Variants in LRRC28 observed in about 807,000 individuals in gnomAD.
LRRC28 encodes the protein leucine rich repeat containing 28, also known as leucine-rich repeat-containing protein 28.
Under a neutral mutation model 45.7 loss-of-function variants are expected in LRRC28, and 39 were observed. That is an observed-to-expected ratio of 0.85 (90% confidence interval 0.66 to 1.12). The LOEUF is 1.12. LRRC28 is among the 50% of genes most tolerant of loss of function. LRRC28 has a pLI of 0.00. For missense variants in LRRC28, 435 were observed against 438.5 expected, an observed-to-expected ratio of 0.99 and a Z score of 0.07; for synonymous variants, 206 against 178.8, an observed-to-expected ratio of 1.15 and a Z score of -1.22.
At chr15:99,369,430 G>A (rs954944672) in intron 9 of LRRC28, among the ~76,000 whole-genome samples, 2 of 152,176 alleles carry the variant, frequency 1.3e-5, no homozygotes, top group African/African-American at 4.8e-5. Context: ...TGCAAAGGCT[G>A]GCGCGTTCAG....
At chr15:99,380,018 T>C (rs1957769181) in intron 9 of LRRC28, among the ~76,000 whole-genome samples, 1 of 152,170 alleles carries the variant, frequency 6.6e-6, no homozygotes, top group Admixed American at 6.5e-5. Context: ...GTATAGTTGA[T>C]TTGGGGTGGA....
At chr15:99,272,235 C>T (rs1418620934) in intron 2 of LRRC28, among the ~76,000 whole-genome samples, 4 of 152,194 alleles carry the variant, frequency 2.6e-5, no homozygotes, top group Non-Finnish European at 5.9e-5. Context: ...ACACATATTT[C>T]TTGTCTACAC....
rs1194868932 is a variant in LRRC28, at chr15:99,387,149, CT to C, written c.*1048del. 6.7e-6 allele frequency: 1 copy of C among 150,120 alleles called. No homozygotes were observed. The highest frequency in any genetic ancestry group is 6.6e-5 in the Admixed American group (1 of 15,050). 9.3% of individuals were successfully genotyped at this position (150,120 alleles called of 1,614,324 possible). ...GATCTCGGCTCACTGCAAGCTCCGC[CT>C]CCCGGGTTCACGCCATTCTCCTGCC... On this transcript the variant is annotated 3_prime_UTR_variant, in exon 10 of 10. Transcript: ENST00000301981.
At chr15:99,367,652 T>G (rs1957376363) in intron 9 of LRRC28, among the ~76,000 whole-genome samples, 1 of 152,218 alleles carries the variant, frequency 6.6e-6, no homozygotes, top group Non-Finnish European at 1.5e-5. Flanking sequence ...GTTCACTGGT[T>G]TATTATAAAA....
intron 5 of LRRC28, among the ~76,000 whole-genome samples, chr15:99,325,705 T>C (rs542702501): frequency 6.6e-6 from 1 of 152,352 alleles, no homozygotes; most frequent in Admixed American, 6.5e-5. Context: ...TGAACATGTG[T>C]ATTACATTGA....
intron 5 of LRRC28, among the ~76,000 whole-genome samples, chr15:99,315,968 TAAA>T (rs1476018730): frequency 1.3e-5 from 2 of 152,216 alleles, no homozygotes; most frequent in African/African-American, 4.8e-5. Flanking sequence ...ATTCTTATTT[TAAA>T]TTATGAATTC....
At chr15:99,361,050 A>T (rs952321783) in intron 7 of LRRC28, 1 of 240,966 alleles carries the variant, frequency 4.1e-6, no homozygotes, top group African/African-American at 2.2e-5. Flanking sequence ...AAAATTTACA[A>T]AGCAAATTGT....
rs1956236919 is a variant in LRRC28, at chr15:99,333,975, G to A, written c.438G>A (p.Leu146=). ...CACTAGACATTTCTACCAATCGTTT[G>A]CTAACTTTACCCGAGAGGCTTCACA... ...LQTLDISTNR[L]LTLPERLHMC... is the part of the protein sequence containing the mutation. Residue 146 remains leucine (L), a synonymous_variant, in exon 6 of 10, where the codon TTG becomes TTA. Coordinates refer to ENST00000301981, the MANE Select transcript of LRRC28 (RefSeq NM_144598.5). The A allele has an allele frequency of 6.2e-7, 1 of 1,614,122 alleles. No homozygotes were observed.
chr15:99,354,263 C>T (rs1486651188), intron 7 of LRRC28, among the ~76,000 whole-genome samples: 1 of 152,164 alleles, frequency 6.6e-6, no homozygotes, highest in Non-Finnish European at 1.5e-5. Context: ...ATTTTGCACC[C>T]CCAAAATTAT....
At position 99,356,179 on chromosome 15, in the gene LRRC28, G is replaced by A. The variant is rs12593392; in HGVS notation, c.695+3708G>A. ...ATAACTTTCACAATATCTAGGAAAC[G>A]TTCCAAAATTACAAGACATGTAAAG... On this transcript the variant is annotated intron_variant, in intron 7 of 9. Transcript: ENST00000301981. Among the ~76,000 whole-genome samples the A allele has an allele frequency of 4.5e-3, 690 of 152,262 alleles. 18 individuals carry two copies. The highest frequency in any genetic ancestry group is 0.036 in the Admixed American group (552 of 15,288).
chr15:99,349,354 G>A (rs1200162230), intron 6 of LRRC28, among the ~76,000 whole-genome samples: 1 of 152,068 alleles, frequency 6.6e-6, no homozygotes, highest in Admixed American at 6.5e-5. Flanking sequence ...CACTGAGACA[G>A]CTGAATCACC....
At chr15:99,285,078 A>G (rs1405914894) in intron 3 of LRRC28, 2 of 685,670 alleles carry the variant, frequency 2.9e-6, no homozygotes, top group Non-Finnish European at 5.5e-6. Flanking sequence ...CATTCACATT[A>G]TGGTATTTCT....
At chr15:99,283,229 C>T (rs2081858358) in intron 3 of LRRC28, among the ~76,000 whole-genome samples, 1 of 151,776 alleles carries the variant, frequency 6.6e-6, no homozygotes, top group African/African-American at 2.4e-5. Context: ...TATTTTGGAA[C>T]AATTTTATAT....
chr15:99,320,169 T>C (rs905687174), intron 5 of LRRC28, among the ~76,000 whole-genome samples: 4 of 152,216 alleles, frequency 2.6e-5, no homozygotes, highest in Non-Finnish European at 5.9e-5. Flanking sequence ...TATAGTATTC[T>C]GTTAAGAGGT....
chr15:99,302,348 A>G (rs1420196102), intron 5 of LRRC28, among the ~76,000 whole-genome samples: 16 of 151,232 alleles, frequency 1.1e-4, no homozygotes, highest in Non-Finnish European at 1.0e-4. Flanking sequence ...TTTTTAAGCT[A>G]TTGATTTTCT....
intron 3 of LRRC28, among the ~76,000 whole-genome samples, chr15:99,282,198 G>A (rs534834392): frequency 1.5e-3 from 13 of 8,800 alleles, no homozygotes; most frequent in African/African-American, 9.4e-3. Flanking sequence ...TTTTGTAGCA[G>A]TAGCTCTCTC....
intron 9 of LRRC28, among the ~76,000 whole-genome samples, chr15:99,365,656 CAT>C (rs1003419815): frequency 6.6e-5 from 10 of 152,128 alleles, no homozygotes; most frequent in African/African-American, 2.4e-4. Flanking sequence ...CAGTTGTTTG[CAT>C]TGCTTGTCAT....
intron 5 of LRRC28, among the ~76,000 whole-genome samples, chr15:99,327,086 T>A (rs1392094743): frequency 6.6e-6 from 1 of 152,176 alleles, no homozygotes; most frequent in Non-Finnish European, 1.5e-5. Flanking sequence ...TTTTTTAATT[T>A]TTTTTGAGAC....
At chr15:99,366,128 T>A (rs977109870) in intron 9 of LRRC28, among the ~76,000 whole-genome samples, 1 of 152,202 alleles carries the variant, frequency 6.6e-6, no homozygotes, top group African/African-American at 2.4e-5. Context: ...TGCTGCAAAC[T>A]GGGTGACTTA....
Sources: allele counts gnomAD v4.1 joint callset (sites outside exome capture counted in the v4.1 genomes callset), GRCh38; gene constraint gnomAD v4.1.1; transcripts MANE v1.5; gene names NCBI Gene and HGNC (gene_info 2026-07-23, HGNC 2026-07-21).